The following KLF12 variants were observed in gnomAD, a reference collection of about 807,000 sequenced individuals.
The protein encoded by KLF12 is KLF transcription factor 12, also known as Krueppel-like factor 12.
A neutral mutation model predicts 37.8 loss-of-function variants in KLF12; 9 were observed. That is an observed-to-expected ratio of 0.24 (90% CI 0.14 to 0.42). The LOEUF is 0.42. Among genes scored for constraint, KLF12 ranks in the 10% least tolerant of loss-of-function variants. The pLI is 1.00. For synonymous variants in KLF12, 208 were observed against 202.1 expected, an observed-to-expected ratio of 1.03 and a Z score of -0.25; for missense variants, 411 against 516.0, an observed-to-expected ratio of 0.80 and a Z score of 1.97.
chr13:73,793,332 T>C (rs1881791330), intron 5 of KLF12, among the ~76,000 whole-genome samples: 1 of 152,208 alleles, frequency 6.6e-6, no homozygotes, highest in Non-Finnish European at 1.5e-5. Flanking sequence ...AAAATATTAG[T>C]AGGAAACTCT....
chr13:74,285,172 C>G, the KLF12 span, among the ~76,000 whole-genome samples: 5 of 151,218 alleles, frequency 3.3e-5, no homozygotes, highest in African/African-American at 1.2e-4. Flanking sequence ...TATAGCCAGC[C>G]CTACCTGATT....
At chr13:73,965,085 A>T (rs1402601658) in intron 2 of KLF12, among the ~76,000 whole-genome samples, 2 of 152,084 alleles carry the variant, frequency 1.3e-5, no homozygotes, top group Admixed American at 1.3e-4. Flanking sequence ...TACACTTGTA[A>T]CCCATCTGTG....
chr13:73,766,443 G>A (rs1365513887), intron 5 of KLF12, among the ~76,000 whole-genome samples: 3 of 152,246 alleles, frequency 2.0e-5, no homozygotes, highest in South Asian at 2.1e-4. Flanking sequence ...GGCAGCAAGC[G>A]TAATTTTTTC....
the KLF12 span, among the ~76,000 whole-genome samples, chr13:74,191,874 G>T: frequency 6.6e-6 from 1 of 151,858 alleles, no homozygotes; most frequent in South Asian, 2.1e-4. Flanking sequence ...ACCTTCACTA[G>T]CTCTGTCTTA....
intron 1 of KLF12, among the ~76,000 whole-genome samples, chr13:74,069,382 A>C (rs1433083573): frequency 2.0e-5 from 3 of 152,166 alleles, no homozygotes; most frequent in African/African-American, 7.2e-5. Flanking sequence ...ATAAGTCTGG[A>C]GAGAGTAGAG....
At chr13:74,059,695 T>G (rs1873460628) in intron 1 of KLF12, among the ~76,000 whole-genome samples, 1 of 152,204 alleles carries the variant, frequency 6.6e-6, no homozygotes, top group South Asian at 2.1e-4. Flanking sequence ...ATCAGAGGCA[T>G]AATTTGCAAA....
intron 5 of KLF12, among the ~76,000 whole-genome samples, chr13:73,789,778 G>A (rs1470194967): frequency 2.6e-5 from 4 of 151,412 alleles, no homozygotes; most frequent in East Asian, 3.9e-4. Context: ...CCGGGTTCAC[G>A]CCATTCTCCT....
chr13:74,079,770 T>C (rs1237025492), intron 1 of KLF12, among the ~76,000 whole-genome samples: 1 of 152,226 alleles, frequency 6.6e-6, no homozygotes, highest in African/African-American at 2.4e-5. Context: ...AACTCTTGTG[T>C]ACTGTTGGTA....
At chr13:74,047,469 G>A (rs1273205288) in intron 1 of KLF12, among the ~76,000 whole-genome samples, 2 of 151,744 alleles carry the variant, frequency 1.3e-5, no homozygotes, top group African/African-American at 4.8e-5. Context: ...TGGTGGCGGG[G>A]GCTTGTAGTC....
At chr13:73,985,092 C>T (rs973132779) in intron 2 of KLF12, among the ~76,000 whole-genome samples, 3 of 152,190 alleles carry the variant, frequency 2.0e-5, no homozygotes, top group Admixed American at 1.3e-4. Context: ...CACATGAAGG[C>T]GTTGCAGCCA....
intron 5 of KLF12, chr13:73,799,983 A>G (rs1267548679): frequency 6.6e-6 from 1 of 152,078 alleles, no homozygotes; most frequent in Non-Finnish European, 1.5e-5. Flanking sequence ...TCAATTTTAT[A>G]TTTTATTTGT....
At chr13:74,153,257 TA>T in the KLF12 span, among the ~76,000 whole-genome samples, 4 of 152,314 alleles carry the variant, frequency 2.6e-5, no homozygotes, top group African/African-American at 9.6e-5. Flanking sequence ...GAAGTCAATT[TA>T]AGGTTTCAAA....
the KLF12 span, among the ~76,000 whole-genome samples, chr13:74,242,192 T>A: frequency 1.3e-5 from 2 of 152,264 alleles, no homozygotes; most frequent in Admixed American, 6.5e-5. Flanking sequence ...TAAGATGGAC[T>A]TTTATTTCTG....
At chr13:73,902,999 T>C (rs780943725) in intron 3 of KLF12, among the ~76,000 whole-genome samples, 1 of 152,234 alleles carries the variant, frequency 6.6e-6, no homozygotes, top group African/African-American at 2.4e-5. Flanking sequence ...AGGACACAGC[T>C]GGTTTATTCA....
chr13:73,745,359 A>C (rs553543160), intron 6 of KLF12, among the ~76,000 whole-genome samples: 1 of 152,346 alleles, frequency 6.6e-6, no homozygotes, highest in African/African-American at 2.4e-5. Flanking sequence ...TCAGTAGCTC[A>C]GAAGTAGGCT....
intron 2 of KLF12, among the ~76,000 whole-genome samples, chr13:73,973,830 T>C (rs1305274510): frequency 2.0e-5 from 3 of 152,162 alleles, no homozygotes; most frequent in Non-Finnish European, 4.4e-5. Flanking sequence ...GAAGGCTTCA[T>C]GTTACAGGAC....
intron 5 of KLF12, among the ~76,000 whole-genome samples, chr13:73,788,649 T>G (rs1881494067): frequency 6.6e-6 from 1 of 152,192 alleles, no homozygotes; most frequent in Non-Finnish European, 1.5e-5. Context: ...AATTTTTTTT[T>G]TTTATTTTTA....
At chr13:74,275,747 A>C in the KLF12 span, among the ~76,000 whole-genome samples, 1 of 149,872 alleles carries the variant, frequency 6.7e-6, no homozygotes, top group African/African-American at 2.5e-5. Flanking sequence ...GCCTGCAATC[A>C]GACTATAGGT....
intron 3 of KLF12, among the ~76,000 whole-genome samples, chr13:73,902,588 AC>A (rs1343592123): frequency 1.3e-5 from 2 of 152,218 alleles, no homozygotes; most frequent in African/African-American, 4.8e-5. Flanking sequence ...TTTAGGTGTT[AC>A]TTTATTTAGG....
Sources: allele counts gnomAD v4.1 joint callset (sites outside exome capture counted in the v4.1 genomes callset), GRCh38; gene constraint gnomAD v4.1.1; transcripts MANE v1.5; gene names NCBI Gene and HGNC (gene_info 2026-07-23, HGNC 2026-07-21).